Variants in ANAPC1 observed in about 807,000 individuals in gnomAD.
ANAPC1 encodes anaphase-promoting complex subunit 1.
In ANAPC1, 36 loss-of-function variants were observed where a neutral mutation model predicts 208.0. The observed-to-expected ratio is 0.17, with a 90% CI of 0.13 to 0.23. The LOEUF (loss-of-function observed/expected upper bound fraction) is 0.23. Ranked by LOEUF, ANAPC1 falls within the 10% of genes least tolerant of loss-of-function variation. The pLI, the probability that ANAPC1 is intolerant of heterozygous loss-of-function variation, is 1.00. For synonymous variants in ANAPC1, 378 were observed against 695.2 expected (o/e 0.54, Z 7.18); for missense variants, 942 against 2,011.6 (o/e 0.47, Z 10.17).
At chr2:111,863,924 A>G in intron 8 of ANAPC1, 29 bp from the exon 9 acceptor site, 1 of 1,530,700 alleles carries the variant, frequency 6.5e-7, no homozygotes. Context: ...GAAAGAGGAA[A>G]AAAAAAAAAA....
In ANAPC1 at chr2:111,768,209, G is replaced by A. The variant is rs1206568448; in HGVS notation, c.*1082C>T. On this transcript the variant is annotated 3_prime_UTR_variant, in exon 48 of 48. Coordinates refer to ENST00000341068, the MANE Select transcript of ANAPC1 (RefSeq NM_022662.4). The stretch of plus-strand genomic sequence containing the variant: ...CTGTGTTGGCAACTCGAAGCTGGAG[G>A]TGCCTTTATATGAACATTTTTCATC... 1 of 152,210 alleles carries A rather than the reference G, an allele frequency of 6.6e-6. No individual in the cohort carries two copies. Among genetic ancestry groups the A allele is most frequent in the Non-Finnish European group, 1.5e-5 (1 of 68,052 alleles). The allele number at this position is 152,210 out of a possible 1,614,324, so 9.4% of individuals were successfully genotyped here.
chr2:111,866,631 G>C (rs1395708024), intron 7 of ANAPC1, among the ~76,000 whole-genome samples: 1 of 150,740 alleles, frequency 6.6e-6, no homozygotes, highest in African/African-American at 2.4e-5. Context: ...GGCTGAGACA[G>C]GAGAATCGCT....
chr2:111,820,809 CA>C lies in ANAPC1; in HGVS notation c.3206+429del, dbSNP rs71280886. Among the ~76,000 whole-genome samples, 444 of 135,224 alleles carry C rather than the reference CA, an allele frequency of 3.3e-3. 1 individual carries two copies. The highest frequency in any genetic ancestry group is 8.1e-3 in the African/African-American group (294 of 36,208). 88.7% of individuals were successfully genotyped at this position (135,224 alleles called of 152,430 possible). ...TATTTGGAGTATCATCTATCATATC[CA>C]AAAAAAAAAAATACTCATACAAGTT... On this transcript the variant is annotated intron_variant, in intron 26 of 47. Coordinates refer to ENST00000341068, the MANE Select transcript of ANAPC1 (RefSeq NM_022662.4).
At chr2:111,866,738 T>A (rs185679932) in intron 7 of ANAPC1, among the ~76,000 whole-genome samples, 7,783 of 84,444 alleles carry the variant, frequency 0.092, 671 homozygotes, top group African/African-American at 0.28. Flanking sequence ...AAAAAAAAAA[T>A]GAAAATAAAA....
At chr2:111,846,120 A>C (rs568355327) in intron 16 of ANAPC1, among the ~76,000 whole-genome samples, 1 of 152,284 alleles carries the variant, frequency 6.6e-6, no homozygotes, top group East Asian at 1.9e-4. Context: ...TGGCAGTTAG[A>C]TTTGAAACCA....
intron 33 of ANAPC1, among the ~76,000 whole-genome samples, 154 bp from the exon 34 acceptor site, chr2:111,801,025 C>A (rs888537207): frequency 9.2e-5 from 14 of 152,066 alleles, no homozygotes; most frequent in Non-Finnish European, 1.9e-4. Context: ...AGGTTATGTA[C>A]TGATAAACCT....
At position 111,852,191 on chromosome 2, in the gene ANAPC1, T is replaced by A. The variant is rs1402004673; in HGVS notation, c.1516-1281A>T. On this transcript the variant is annotated intron_variant, in intron 13 of 47. Coordinates refer to ENST00000341068, the MANE Select transcript of ANAPC1 (RefSeq NM_022662.4). ...AGAAAAAAAAACTGAATAAAATTTA[T>A]AATGCAACTAACAGAAGATTCTGAA... Among the ~76,000 whole-genome samples the A allele has an allele frequency of 4.4e-4, 66 of 150,334 alleles. No individual in the cohort carries two copies. The Middle Eastern group carries it at 0.014, about 31-fold the overall frequency.
At chr2:111,860,272 C>T (rs1005436082) in intron 10 of ANAPC1, among the ~76,000 whole-genome samples, 25 of 151,530 alleles carry the variant, frequency 1.6e-4, no homozygotes, top group Non-Finnish European at 3.4e-4. Flanking sequence ...CACTGTACTC[C>T]AACCTGGGTG....
At chr2:111,799,981 C>T (rs1307237296) in intron 34 of ANAPC1, among the ~76,000 whole-genome samples, 2 of 100,350 alleles carry the variant, frequency 2.0e-5, no homozygotes, top group African/African-American at 3.5e-5. Flanking sequence ...GTGCATTTCA[C>T]GATATATAAA....
At chr2:111,834,064 T>A (rs1269680046) in intron 19 of ANAPC1, among the ~76,000 whole-genome samples, 1 of 152,176 alleles carries the variant, frequency 6.6e-6, no homozygotes, top group African/African-American at 2.4e-5. Context: ...TTATTGTGGA[T>A]CTACTATGAG....
At chr2:111,880,510 A>G in intron 2 of ANAPC1, 103 bp downstream of exon 2, 1 of 1,470,844 alleles carries the variant, frequency 6.8e-7, no homozygotes, top group Admixed American at 2.6e-5. Flanking sequence ...CTACTCTAGA[A>G]GTGGCATCAC....
At chr2:111,825,188 A>G in intron 22 of ANAPC1, 21 bp from the exon 23 acceptor site, 1 of 1,603,358 alleles carries the variant, frequency 6.2e-7, no homozygotes, top group South Asian at 1.1e-5. Context: ...ACAAAATGAA[A>G]CTTAATTTTG....
intron 13 of ANAPC1, among the ~76,000 whole-genome samples, chr2:111,855,677 T>C (rs1432219398): frequency 1.3e-5 from 2 of 152,160 alleles, no homozygotes; most frequent in Non-Finnish European, 1.5e-5. Flanking sequence ...TCTTTAGTGA[T>C]ACATACATAA....
rs145215327 is a variant in ANAPC1, at chr2:111,825,683, G to A, written c.2704+94C>T. ...AGTACTAAAAAGGTAAGACATGGCC[G>A]CCAAAGCAAACAAGAAAAATTCAAT... On this transcript the variant is annotated intron_variant, in intron 22 of 47. Coordinates refer to ENST00000341068, the MANE Select transcript of ANAPC1 (RefSeq NM_022662.4). 4.4e-3 allele frequency: 5,795 copies of A among 1,305,064 alleles called. 179 individuals are homozygous for A. In the African/African-American group the frequency reaches 0.073, roughly 16 times the overall value. The allele number at this position is 1,305,064 out of a possible 1,614,324, so 80.8% of individuals were successfully genotyped here.
intron 21 of ANAPC1, among the ~76,000 whole-genome samples, chr2:111,827,108 G>A (rs1035472159): frequency 1.1e-4 from 16 of 152,032 alleles, no homozygotes; most frequent in Admixed American, 2.0e-4. Flanking sequence ...TGAGAGTTTC[G>A]ATTGCTCCAT....
chr2:111,824,218 T>C (rs1012312570), intron 24 of ANAPC1, among the ~76,000 whole-genome samples: 2 of 141,774 alleles, frequency 1.4e-5, no homozygotes, highest in African/African-American at 2.5e-5. Context: ...GCAACAGTTA[T>C]TGTCATTTTT....
intron 25 of ANAPC1, chr2:111,821,686 C>A (rs1679543075): frequency 1.3e-5 from 6 of 453,688 alleles, no homozygotes; most frequent in South Asian, 8.5e-5. Context: ...GTAATCCCAG[C>A]ACTTTGGGAG....
chr2:111,868,366 G>A (rs1318480177), intron 6 of ANAPC1, among the ~76,000 whole-genome samples: 2 of 152,184 alleles, frequency 1.3e-5, no homozygotes, highest in East Asian at 3.8e-4. Flanking sequence ...AGTCATCACA[G>A]TACAGAACAA....
chr2:111,857,003 T>C, intron 11 of ANAPC1, 117 bp from the exon 12 acceptor site: 3 of 671,816 alleles, frequency 4.5e-6, no homozygotes, highest in Non-Finnish European at 7.6e-6. Context: ...ATGAGCCCAT[T>C]TATATAACAT....
Sources: gnomAD v4.1 joint callset for allele counts (sites outside exome capture counted in the v4.1 genomes callset) on GRCh38, gnomAD v4.1.1 for gene constraint, MANE v1.5 for transcripts, NCBI Gene and HGNC (gene_info 2026-07-23, HGNC 2026-07-21) for gene names.